CBR3: variants seen among roughly 807,000 people sequenced by gnomAD.
The protein encoded by CBR3 is carbonyl reductase [NADPH] 3.
In CBR3, 14 loss-of-function variants were observed where a neutral mutation model predicts 11.6. The observed-to-expected ratio is 1.20, with a 90% CI of 0.79 to 1.88. The LOEUF (loss-of-function observed/expected upper bound fraction) is 1.88. Ranked by LOEUF, CBR3 falls within the 40% of genes most tolerant of loss-of-function variation. The probability of loss-of-function intolerance (pLI) is 0.00; values close to 1 mark genes in which losing one functional copy is unlikely to be tolerated. For missense variants in CBR3, 308 were observed against 357.3 expected (o/e 0.86, Z 1.11); for synonymous variants, 125 against 145.6 (o/e 0.86, Z 1.02).
rs767052055 is a variant in CBR3, at chr21:36,137,972, TAAG to T, written c.397+44_397+46del. The T allele has an allele frequency of 1.9e-5, 21 of 1,104,290 alleles. No individual in the cohort carries two copies. In the Admixed American group the frequency reaches 3.2e-4, roughly 17 times the overall value. 68.4% of individuals were successfully genotyped at this position (1,104,290 alleles called of 1,614,324 possible). The stretch of plus-strand genomic sequence containing the variant: ...TGGACAGTCGGGTTGCATCCCTCAG[TAAG>T]AAGTGGGCTACAGGCTTCCCGGAGC... On this transcript the variant is annotated intron_variant, in intron 2 of 2. Coordinates refer to ENST00000290354, the MANE Select transcript of CBR3 (RefSeq NM_001236.4).
intron 2 of CBR3, among the ~76,000 whole-genome samples, chr21:36,143,826 G>A (rs2065732918): frequency 6.7e-6 from 1 of 149,404 alleles, no homozygotes. Flanking sequence ...GCTACAGTGA[G>A]CCGAGATCAT....
At chr21:36,137,648 G>C (rs1054451251) in intron 1 of CBR3, among the ~76,000 whole-genome samples, 177 bp from the exon 2 acceptor site, 1 of 152,130 alleles carries the variant, frequency 6.6e-6, no homozygotes, top group South Asian at 2.1e-4. Context: ...GTTTTAACAG[G>C]CTCTACAAGT....
intron 2 of CBR3, among the ~76,000 whole-genome samples, chr21:36,142,891 TG>T (rs759358069): frequency 3.3e-5 from 5 of 151,558 alleles, no homozygotes; most frequent in Admixed American, 6.6e-5. Context: ...GGGGGATGAG[TG>T]AGGTGCTAGT....
At chr21:36,146,020 C>A in intron 2 of CBR3, 56 bp from the exon 3 acceptor site, 116 of 881,554 alleles carry the variant, frequency 1.3e-4, no homozygotes, top group Non-Finnish European at 1.8e-4. Flanking sequence ...GTATATTATT[C>A]AACCAGTGGT....
intron 2 of CBR3, among the ~76,000 whole-genome samples, chr21:36,143,083 G>A (rs1425479877): frequency 6.6e-6 from 1 of 151,972 alleles, no homozygotes; most frequent in African/African-American, 2.4e-5. Context: ...GGAAGGCAGA[G>A]CACCTGAGGT....
chr21:36,145,833 C>T (rs1413611497), intron 2 of CBR3, among the ~76,000 whole-genome samples: 7 of 151,950 alleles, frequency 4.6e-5, no homozygotes, highest in East Asian at 1.9e-4. Context: ...TGGTGGCTCA[C>T]GCCTGTAATT....
intron 1 of CBR3, among the ~76,000 whole-genome samples, chr21:36,136,170 C>G (rs2065658520): frequency 6.6e-6 from 1 of 151,996 alleles, no homozygotes; most frequent in Non-Finnish European, 1.5e-5. Flanking sequence ...AAGAAAATTA[C>G]AGGAGGGCGC....
At chr21:36,143,173 C>T (rs1249153077) in intron 2 of CBR3, among the ~76,000 whole-genome samples, 19 of 151,804 alleles carry the variant, frequency 1.3e-4, no homozygotes, top group Non-Finnish European at 1.8e-4. Flanking sequence ...GGCATGGTGG[C>T]GCACACCTGT....
chr21:36,143,481 G>T (rs2065729289), intron 2 of CBR3, among the ~76,000 whole-genome samples: 1 of 152,016 alleles, frequency 6.6e-6, no homozygotes, highest in Admixed American at 6.6e-5. Context: ...CTACATATTT[G>T]TTTCTATGGG....
chr21:36,136,154 C>A (rs1462963108), intron 1 of CBR3, among the ~76,000 whole-genome samples: 1 of 152,028 alleles, frequency 6.6e-6, no homozygotes, highest in Non-Finnish European at 1.5e-5. Flanking sequence ...ATTCTAACTA[C>A]TACTGAAGAA....
intron 2 of CBR3, chr21:36,141,993 C>T: frequency 1.3e-6 from 1 of 799,548 alleles, no homozygotes; most frequent in Non-Finnish European, 1.5e-6. Context: ...TGTAGTATTC[C>T]TGGCCAAAAT....
intron 2 of CBR3, among the ~76,000 whole-genome samples, chr21:36,142,413 CAG>C (rs1204178304): frequency 2.6e-4 from 17 of 65,216 alleles, no homozygotes; most frequent in Admixed American, 4.3e-4. Flanking sequence ...GCCTAGGTGA[CAG>C]AGCGAGACTC....
intron 2 of CBR3, among the ~76,000 whole-genome samples, chr21:36,140,527 G>C (rs1311787246): frequency 6.6e-6 from 1 of 151,940 alleles, no homozygotes; most frequent in Non-Finnish European, 1.5e-5. Context: ...GTGTTGGGAA[G>C]TTTTCTCCCG....
intron 2 of CBR3, 101 bp from the exon 3 acceptor site, chr21:36,145,975 A>C (rs547596758): frequency 3.7e-6 from 3 of 816,102 alleles, no homozygotes; most frequent in South Asian, 1.9e-5. Context: ...AAAAAAAAAA[A>C]AAAAAACCTG....
chr21:36,137,054 A>AAAAAC (rs2065665398), intron 1 of CBR3: 1 of 131,976 alleles, frequency 7.6e-6, no homozygotes, highest in Non-Finnish European at 1.6e-5. Context: ...AAAAAAAAAA[A>AAAAAC]TCTGCATTTC....
At position 36,146,249 on chromosome 21, in the gene CBR3, A is replaced by T; in HGVS notation, c.571A>T (p.Asn191Tyr). 2 of 1,614,212 alleles carry T rather than the reference A, an allele frequency of 1.2e-6. No individual in the cohort carries two copies. Among genetic ancestry groups the T allele is most frequent in the Non-Finnish European group, 1.7e-6 (2 of 1,180,036 alleles). ...GGTGCATGAGAGGGAAGGCTGGCCC[A>T]ACTCACCTTATGGGGTGTCCAAGTT... is the stretch of plus-strand genomic sequence containing the variant. ...NEVHEREGWP[N>Y]SPYGVSKLGV... The change falls in exon 3 of 3, where the codon AAC (asparagine) becomes TAC (tyrosine). Residue 191 changes from asparagine to tyrosine, a missense_variant. Asn to Tyr is a moderately radical substitution (Grantham distance 143). Coordinates refer to ENST00000290354, the MANE Select transcript of CBR3 (RefSeq NM_001236.4).
chr21:36,143,383 T>C (rs1443336861), intron 2 of CBR3, among the ~76,000 whole-genome samples: 2 of 151,948 alleles, frequency 1.3e-5, no homozygotes, highest in Non-Finnish European at 2.9e-5. Flanking sequence ...CTAAAATTAG[T>C]GGGGTTTGAT....
chr21:36,142,017 T>A, intron 2 of CBR3: 2 of 540,850 alleles, frequency 3.7e-6, no homozygotes, highest in Non-Finnish European at 4.7e-6. Flanking sequence ...GATGTGACTC[T>A]CCTCATGAGA....
At chr21:36,138,166 G>T in intron 2 of CBR3, 1 of 445,322 alleles carries the variant, frequency 2.2e-6, no homozygotes, top group Non-Finnish European at 4.1e-6. Flanking sequence ...GTGGGTGGTG[G>T]GAAGAAATTT....
Sources: allele counts gnomAD v4.1 joint callset (sites outside exome capture counted in the v4.1 genomes callset), GRCh38; gene constraint gnomAD v4.1.1; transcripts MANE v1.5; gene names NCBI Gene and HGNC (gene_info 2026-07-23, HGNC 2026-07-21).